The following CSRNP3 variants were observed in gnomAD, a reference collection of about 807,000 sequenced individuals.
CSRNP3 encodes cysteine and serine rich nuclear protein 3.
A neutral mutation model predicts 48.0 loss-of-function variants in CSRNP3; 12 were observed. The observed-to-expected ratio is 0.25, with a 90% CI of 0.16 to 0.41. The LOEUF is 0.41. Ranked by LOEUF, CSRNP3 falls within the 10% of genes least tolerant of loss-of-function variation. The pLI, the probability that CSRNP3 is intolerant of heterozygous loss-of-function variation, is 1.00. For missense variants in CSRNP3, 580 were observed against 724.4 expected (o/e 0.80, Z 2.29); for synonymous variants, 263 against 269.7 (o/e 0.98, Z 0.24).
intron 4 of CSRNP3, among the ~76,000 whole-genome samples, chr2:165,617,832 G>A (rs778997574): frequency 6.6e-6 from 1 of 152,224 alleles, no homozygotes; most frequent in Non-Finnish European, 1.5e-5. Flanking sequence ...GTTCCTAGGG[G>A]TGTAGGGCAC....
intron 1 of CSRNP3, among the ~76,000 whole-genome samples, chr2:165,474,198 AT>A (rs903543070): frequency 7.9e-5 from 12 of 151,984 alleles, no homozygotes; most frequent in African/African-American, 2.4e-4. Flanking sequence ...TTAAATTTAT[AT>A]TTTTTTATTT....
intron 4 of CSRNP3, among the ~76,000 whole-genome samples, chr2:165,599,398 G>C (rs1685874343): frequency 6.6e-6 from 1 of 152,108 alleles, no homozygotes. Flanking sequence ...TTTTGAGACA[G>C]TGTCTCACTG....
intron 1 of CSRNP3, among the ~76,000 whole-genome samples, chr2:165,483,047 T>C (rs1684069036): frequency 1.3e-5 from 1 of 75,216 alleles, no homozygotes; most frequent in South Asian, 3.5e-4. Flanking sequence ...TGTGTATGTA[T>C]ATATATATGT....
At chr2:165,546,451 A>G (rs1004104014) in intron 3 of CSRNP3, among the ~76,000 whole-genome samples, 4 of 152,130 alleles carry the variant, frequency 2.6e-5, no homozygotes, top group Non-Finnish European at 4.4e-5. Flanking sequence ...TAGGCCTCCC[A>G]AAGTGCTGGG....
intron 4 of CSRNP3, among the ~76,000 whole-genome samples, chr2:165,641,939 T>C (rs1686727363): frequency 6.6e-6 from 1 of 152,192 alleles, no homozygotes; most frequent in South Asian, 2.1e-4. Context: ...AACCTCTTTA[T>C]ACCTTCCTTT....
intron 4 of CSRNP3, among the ~76,000 whole-genome samples, chr2:165,613,270 G>T (rs1283425865): frequency 6.6e-6 from 1 of 151,972 alleles, no homozygotes; most frequent in Non-Finnish European, 1.5e-5. Context: ...AATTGGATTG[G>T]TTTTTTGTTC....
At chr2:165,581,153 C>T (rs1310510375) in intron 3 of CSRNP3, among the ~76,000 whole-genome samples, 2 of 152,158 alleles carry the variant, frequency 1.3e-5, no homozygotes, top group Non-Finnish European at 2.9e-5. Flanking sequence ...CTAGTGTATT[C>T]CACTATACCA....
At chr2:165,670,665 A>G (rs1005411346) in intron 5 of CSRNP3, among the ~76,000 whole-genome samples, 2 of 152,196 alleles carry the variant, frequency 1.3e-5, no homozygotes, top group African/African-American at 4.8e-5. Flanking sequence ...GAACTAATGC[A>G]GGTAAAGTGT....
At chr2:165,512,817 A>G (rs1317526304) in intron 2 of CSRNP3, among the ~76,000 whole-genome samples, 2 of 152,238 alleles carry the variant, frequency 1.3e-5, no homozygotes, top group Non-Finnish European at 2.9e-5. Flanking sequence ...TTAAAAAGAT[A>G]GGGTCAGCCG....
intron 4 of CSRNP3, among the ~76,000 whole-genome samples, chr2:165,624,125 A>G (rs1260110746): frequency 6.6e-6 from 1 of 152,194 alleles, no homozygotes. Context: ...GTTCAGGGAG[A>G]GCATTCTAGA....
chr2:165,552,443 A>C (rs1003755254), intron 3 of CSRNP3, among the ~76,000 whole-genome samples: 9 of 152,198 alleles, frequency 5.9e-5, no homozygotes, highest in Admixed American at 1.3e-4. Flanking sequence ...AAAAGAAGTT[A>C]GGCGATTGTC....
chr2:165,518,800 G>T (rs981380868), intron 3 of CSRNP3, among the ~76,000 whole-genome samples: 1 of 152,006 alleles, frequency 6.6e-6, no homozygotes, highest in South Asian at 2.1e-4. Context: ...TCTTCCAAGG[G>T]TTTATTCATT....
chr2:165,658,258 A>G (rs572257161), intron 5 of CSRNP3, among the ~76,000 whole-genome samples: 1 of 152,228 alleles, frequency 6.6e-6, no homozygotes, highest in South Asian at 2.1e-4. Context: ...TTGTGAGATC[A>G]TATGCCCTGT....
chr2:165,560,156 T>C (rs1365622535), intron 3 of CSRNP3, among the ~76,000 whole-genome samples: 1 of 152,204 alleles, frequency 6.6e-6, no homozygotes, highest in Non-Finnish European at 1.5e-5. Flanking sequence ...TTAGGTTCTA[T>C]TGCTTTCCTT....
chr2:165,603,795 C>T (rs1311728226), intron 4 of CSRNP3, among the ~76,000 whole-genome samples: 1 of 152,174 alleles, frequency 6.6e-6, no homozygotes, highest in Non-Finnish European at 1.5e-5. Context: ...GCCACACAAG[C>T]ATCCCACCAG....
In CSRNP3 at chr2:165,595,147, G is replaced by A. The variant is rs1278151284; in HGVS notation, c.82G>A (p.Val28Ile). ...CSSVRESDDE[V>I]SSSESADSGD... is the part of the protein sequence containing the mutation. ...CTCTGTGAGGGAATCAGATGATGAA[G>A]TTTCCAGCAGTGAAAGTGCTGACAG... The change falls in exon 4 of 7, where the codon GTT (valine) becomes ATT (isoleucine). Residue 28 changes from valine to isoleucine, a missense_variant. By Grantham distance (29) the Val-to-Ile change is conservative. Transcript: ENST00000651982. 3.1e-6 allele frequency: 5 copies of A among 1,614,166 alleles called. No homozygotes were observed. The highest frequency in any genetic ancestry group is 4.2e-6 in the Non-Finnish European group (5 of 1,180,010).
At chr2:165,623,529 A>T (rs779105389) in intron 4 of CSRNP3, among the ~76,000 whole-genome samples, 3 of 152,218 alleles carry the variant, frequency 2.0e-5, no homozygotes, top group Non-Finnish European at 4.4e-5. Context: ...TATAAAATAT[A>T]TGGAAGGATG....
At chr2:165,587,173 G>A (rs1265565561) in intron 3 of CSRNP3, among the ~76,000 whole-genome samples, 1 of 152,202 alleles carries the variant, frequency 6.6e-6, no homozygotes, top group Non-Finnish European at 1.5e-5. Context: ...ATATATGTTA[G>A]TGAAGAATAA....
At chr2:165,519,985 C>T (rs183287355) in intron 3 of CSRNP3, among the ~76,000 whole-genome samples, 1 of 152,194 alleles carries the variant, frequency 6.6e-6, no homozygotes. Context: ...TGAAATACAA[C>T]ACCTGATGGT....
Sources: gnomAD v4.1 joint callset for allele counts (sites outside exome capture counted in the v4.1 genomes callset) on GRCh38, gnomAD v4.1.1 for gene constraint, MANE v1.5 for transcripts, NCBI Gene and HGNC (gene_info 2026-07-23, HGNC 2026-07-21) for gene names.